SLC8A1: variants seen among roughly 807,000 people sequenced by gnomAD.
The protein encoded by SLC8A1 is sodium/calcium exchanger 1.
Under a neutral mutation model 68.3 loss-of-function variants are expected in SLC8A1, and 18 were observed. The observed-to-expected ratio is 0.26, with a 90% confidence interval of 0.18 to 0.39. The LOEUF (loss-of-function observed/expected upper bound fraction) is 0.39. Ranked by LOEUF, SLC8A1 falls within the 10% of genes least tolerant of loss-of-function variation. The probability of loss-of-function intolerance (pLI) is 1.00; values close to 1 mark genes in which losing one functional copy is unlikely to be tolerated. For missense variants in SLC8A1, 985 were observed against 1,156.7 expected (o/e 0.85, Z 2.15); for synonymous variants, 475 against 415.5 (o/e 1.14, Z -1.74).
chr2:40,450,358 G>GTT (rs1283172903), intron 1 of SLC8A1, among the ~76,000 whole-genome samples: 2 of 151,826 alleles, frequency 1.3e-5, no homozygotes, highest in Non-Finnish European at 2.9e-5. Context: ...GTGAGTGTGT[G>GTT]TGTGTGTGTG....
chr2:40,163,920 A>C (rs1258596152), intron 5 of SLC8A1, among the ~76,000 whole-genome samples: 1 of 152,228 alleles, frequency 6.6e-6, no homozygotes, highest in African/African-American at 2.4e-5. Flanking sequence ...GTCCAGATAA[A>C]ATCTGAAACT....
intron 7 of SLC8A1, among the ~76,000 whole-genome samples, chr2:40,135,803 C>G (rs765855318): frequency 2.0e-5 from 3 of 152,006 alleles, no homozygotes; most frequent in African/African-American, 7.3e-5. Context: ...GATACCTGGA[C>G]GGAATATGAC....
intron 2 of SLC8A1, among the ~76,000 whole-genome samples, chr2:40,424,957 A>G (rs1696471839): frequency 6.6e-6 from 1 of 151,876 alleles, no homozygotes; most frequent in African/African-American, 2.4e-5. Flanking sequence ...TAGAACCATT[A>G]AAGAACAATC....
chr2:40,302,951 A>G (rs1429903845), intron 2 of SLC8A1, among the ~76,000 whole-genome samples: 1 of 152,152 alleles, frequency 6.6e-6, no homozygotes, highest in Non-Finnish European at 1.5e-5. Flanking sequence ...AGGCCACAGG[A>G]TCTTGTAAGT....
chr2:40,286,083 T>G (rs1052148796), intron 2 of SLC8A1, among the ~76,000 whole-genome samples: 3 of 152,196 alleles, frequency 2.0e-5, no homozygotes, highest in African/African-American at 7.2e-5. Context: ...CAGTACCCAG[T>G]GCCTAGAATA....
chr2:40,177,162 T>G (rs2048623695), intron 3 of SLC8A1, among the ~76,000 whole-genome samples: 1 of 152,142 alleles, frequency 6.6e-6, no homozygotes, highest in Non-Finnish European at 1.5e-5. Context: ...AATGTTGTAT[T>G]TGATGATATA....
intron 2 of SLC8A1, among the ~76,000 whole-genome samples, chr2:40,233,884 T>C (rs2060012258): frequency 2.0e-5 from 3 of 151,680 alleles, no homozygotes; most frequent in South Asian, 4.2e-4. Context: ...TTTTCTCAGG[T>C]TTGTCAAAGA....
intron 6 of SLC8A1, among the ~76,000 whole-genome samples, chr2:40,144,583 G>C (rs1218941506): frequency 6.6e-6 from 1 of 151,018 alleles, no homozygotes; most frequent in Non-Finnish European, 1.5e-5. Flanking sequence ...TTTTTTTTAG[G>C]AATGTGAAAA....
At chr2:40,298,061 T>A (rs2070752910) in intron 2 of SLC8A1, among the ~76,000 whole-genome samples, 1 of 152,044 alleles carries the variant, frequency 6.6e-6, no homozygotes, top group Non-Finnish European at 1.5e-5. Flanking sequence ...TTTGTGATTT[T>A]AGTAGAGACA....
intron 2 of SLC8A1, among the ~76,000 whole-genome samples, chr2:40,233,051 G>C (rs1270037198): frequency 6.6e-6 from 1 of 151,942 alleles, no homozygotes; most frequent in African/African-American, 2.4e-5. Flanking sequence ...TAATGCTGCA[G>C]TAAACATACG....
upstream of SLC8A1, among the ~76,000 whole-genome samples, chr2:40,455,888 C>G (rs1449706808): frequency 6.6e-6 from 1 of 152,198 alleles, no homozygotes; most frequent in Non-Finnish European, 1.5e-5. Flanking sequence ...GCCTTCCTGG[C>G]AGACTCACAG....
chr2:40,393,037 T>G (rs565489082), intron 2 of SLC8A1, among the ~76,000 whole-genome samples: 2 of 152,238 alleles, frequency 1.3e-5, no homozygotes, highest in South Asian at 2.1e-4. Context: ...TGATACTGAC[T>G]GAATTTTATC....
At chr2:40,292,924 C>T (rs2069603489) in intron 2 of SLC8A1, among the ~76,000 whole-genome samples, 1 of 152,158 alleles carries the variant, frequency 6.6e-6, no homozygotes, top group African/African-American at 2.4e-5. Flanking sequence ...GGAAATTGAT[C>T]TCAACTGCCT....
At chr2:40,146,946 ACT>A (rs771165229) in intron 6 of SLC8A1, among the ~76,000 whole-genome samples, 46 of 151,988 alleles carry the variant, frequency 3.0e-4, no homozygotes, top group Non-Finnish European at 5.7e-4. Context: ...AAGGCAACTC[ACT>A]CTCTGTTAAT....
intron 1 of SLC8A1, among the ~76,000 whole-genome samples, chr2:40,460,530 G>T (rs1483979616): frequency 1.3e-5 from 2 of 151,962 alleles, no homozygotes; most frequent in East Asian, 1.9e-4. Flanking sequence ...ACTCTCCATG[G>T]CCTCTAGGAA....
intron 6 of SLC8A1, 145 bp downstream of exon 9, chr2:40,160,620 C>G: frequency 1.5e-6 from 1 of 683,886 alleles, no homozygotes. Flanking sequence ...TTAAAATGTG[C>G]ATACATTAAC....
At chr2:40,412,990 G>A (rs188354354) in intron 2 of SLC8A1, among the ~76,000 whole-genome samples, 7 of 152,074 alleles carry the variant, frequency 4.6e-5, no homozygotes, top group African/African-American at 1.4e-4. Flanking sequence ...CCATGTTGGT[G>A]TGCTGCACCC....
chr2:40,277,363 A>G (rs1355881532), intron 2 of SLC8A1, among the ~76,000 whole-genome samples: 2 of 152,014 alleles, frequency 1.3e-5, no homozygotes, highest in Non-Finnish European at 2.9e-5. Flanking sequence ...AACCTGGTGA[A>G]AAACCGTCTC....
chr2:40,381,040 C>T (rs1261011139), intron 2 of SLC8A1, among the ~76,000 whole-genome samples: 4 of 152,006 alleles, frequency 2.6e-5, no homozygotes, highest in Non-Finnish European at 5.9e-5. Context: ...GGTCAATTCC[C>T]CAAACCTCTT....
Sources: allele counts gnomAD v4.1 joint callset (sites outside exome capture counted in the v4.1 genomes callset), GRCh38; gene constraint gnomAD v4.1.1; transcripts MANE v1.5; gene names NCBI Gene and HGNC (gene_info 2026-07-23, HGNC 2026-07-21).